Variants in NEDD4L observed in about 807,000 individuals in gnomAD.
The protein encoded by NEDD4L is NEDD4 like E3 ubiquitin protein ligase, also known as E3 ubiquitin-protein ligase NEDD4-like.
A neutral mutation model predicts 148.9 loss-of-function variants in NEDD4L; 54 were observed. The observed-to-expected ratio is 0.36, with a 90% CI of 0.29 to 0.45. NEDD4L has a LOEUF of 0.45. Ranked by LOEUF, NEDD4L falls within the 20% of genes least tolerant of loss-of-function variation. The probability of loss-of-function intolerance (pLI) is 1.00; values close to 1 mark genes in which losing one functional copy is unlikely to be tolerated. For missense variants in NEDD4L, 856 were observed against 1,233.8 expected, an observed-to-expected ratio of 0.69 and a Z score of 4.59; for synonymous variants, 433 against 440.7, an observed-to-expected ratio of 0.98 and a Z score of 0.22.
At chr18:58,118,866 C>T (rs573170333) in intron 1 of NEDD4L, among the ~76,000 whole-genome samples, 9 of 152,198 alleles carry the variant, frequency 5.9e-5, no homozygotes, top group African/African-American at 1.7e-4. Context: ...CCTGGGTGGG[C>T]GCTGATTCCA....
intron 1 of NEDD4L, among the ~76,000 whole-genome samples, chr18:58,136,360 T>C (rs1344795672): frequency 6.6e-6 from 1 of 152,242 alleles, no homozygotes; most frequent in Admixed American, 6.5e-5. Context: ...ACAAATTGTC[T>C]GCTTGCTTGG....
chr18:58,331,608 A>G (rs2059792352), intron 11 of NEDD4L, among the ~76,000 whole-genome samples: 1 of 152,238 alleles, frequency 6.6e-6, no homozygotes, highest in South Asian at 2.1e-4. Context: ...ACAATACAAA[A>G]CTGTGCAGAA....
At chr18:58,078,039 A>T (rs961068715) in intron 1 of NEDD4L, among the ~76,000 whole-genome samples, 5 of 150,928 alleles carry the variant, frequency 3.3e-5, no homozygotes, top group Admixed American at 2.0e-4. Context: ...TTTTGCCTAA[A>T]AGAAAATTGC....
chr18:58,076,378 T>TA (rs2083160381), intron 1 of NEDD4L, among the ~76,000 whole-genome samples: 1 of 152,240 alleles, frequency 6.6e-6, no homozygotes. Context: ...CAGTAAAGCA[T>TA]AAAAAAACCT....
intron 27 of NEDD4L, chr18:58,388,825 C>T (rs911091400): frequency 4.1e-5 from 20 of 484,222 alleles, no homozygotes; most frequent in Non-Finnish European, 7.2e-5. Context: ...GGGAGGACGA[C>T]TGTGGCATTT....
At chr18:58,084,711 T>TGTGTGTGTGTGTGTGTGTG (rs2065675366) in intron 1 of NEDD4L, among the ~76,000 whole-genome samples, 1 of 42,460 alleles carries the variant, frequency 2.4e-5, no homozygotes, top group African/African-American at 8.2e-5. Flanking sequence ...GTGTGTGTGT[T>TGTGTGTGTGTGTGTGTGTG]TGAGACAGGG....
At chr18:58,144,166 A>G (rs1281213121) in intron 1 of NEDD4L, among the ~76,000 whole-genome samples, 1 of 151,830 alleles carries the variant, frequency 6.6e-6, no homozygotes, top group African/African-American at 2.4e-5. Flanking sequence ...TTGCATTGGT[A>G]TAAAGAAACA....
At position 58,350,951 on chromosome 18, in the gene NEDD4L, T is replaced by C. The variant is rs1314459794; in HGVS notation, c.1654-40T>C. 2 of 1,499,442 alleles carry C rather than the reference T, an allele frequency of 1.3e-6. 1 individual carries two copies. The highest frequency in any genetic ancestry group is 2.4e-5 in the South Asian group (2 of 83,052). The allele number at this position is 1,499,442 out of a possible 1,614,324, so 92.9% of individuals were successfully genotyped here. On this transcript the variant is annotated intron_variant, in intron 17 of 30. Coordinates refer to ENST00000400345, the MANE Select transcript of NEDD4L (RefSeq NM_001144967.3). ...CTTTGATTTCAGAACTCCTAGCTAATGTTTATATTTTCTCTCTCCCTTCCT... is the reference window on the plus strand; with the variant it reads ...CTTTGATTTCAGAACTCCTAGCTAACGTTTATATTTTCTCTCTCCCTTCCT...
intron 2 of NEDD4L, among the ~76,000 whole-genome samples, chr18:58,196,710 C>CTTTTT (rs544883000): frequency 8.7e-6 from 1 of 114,444 alleles, no homozygotes; most frequent in African/African-American, 3.1e-5. Context: ...CTCTCTCTCT[C>CTTTTT]TTTTTTTTTT....
intron 27 of NEDD4L, chr18:58,388,857 G>A (rs895357968): frequency 1.3e-5 from 7 of 556,820 alleles, no homozygotes; most frequent in South Asian, 4.1e-5. Flanking sequence ...ACGACATGCC[G>A]TGGCTTGCGC....
chr18:58,381,690 TG>T (rs2048354606), intron 24 of NEDD4L, among the ~76,000 whole-genome samples: 1 of 152,150 alleles, frequency 6.6e-6, no homozygotes, highest in African/African-American at 2.4e-5. Flanking sequence ...CAAGGCAGTC[TG>T]GGGAGGAATA....
chr18:58,140,595 A>T (rs185163906), intron 1 of NEDD4L, among the ~76,000 whole-genome samples: 1 of 152,320 alleles, frequency 6.6e-6, no homozygotes, highest in East Asian at 1.9e-4. Flanking sequence ...TGCTGTGAAA[A>T]TGCCAATCAG....
chr18:58,323,001 GTATA>G (rs2058976321), intron 7 of NEDD4L, among the ~76,000 whole-genome samples: 1 of 135,170 alleles, frequency 7.4e-6, no homozygotes, highest in Non-Finnish European at 1.6e-5. Flanking sequence ...CGTGCTGTGG[GTATA>G]GGTGGGGATG....
At chr18:58,187,632 T>C (rs967055784) in intron 2 of NEDD4L, among the ~76,000 whole-genome samples, 1 of 152,206 alleles carries the variant, frequency 6.6e-6, no homozygotes, top group African/African-American at 2.4e-5. Context: ...TTTTGTGTTC[T>C]GAATACGTGT....
chr18:58,048,643 A>G (rs183689347), intron 1 of NEDD4L, among the ~76,000 whole-genome samples: 2 of 152,312 alleles, frequency 1.3e-5, no homozygotes. Context: ...AATAAACACC[A>G]CTGGTTGCAA....
At chr18:58,173,381 C>G (rs1437484759) in intron 2 of NEDD4L, among the ~76,000 whole-genome samples, 5 of 152,284 alleles carry the variant, frequency 3.3e-5, no homozygotes, top group Admixed American at 1.3e-4. Context: ...ACAGTTGCTC[C>G]TTTATTGTGT....
chr18:58,378,600 G>T (rs557661059), intron 24 of NEDD4L, among the ~76,000 whole-genome samples: 1 of 152,188 alleles, frequency 6.6e-6, no homozygotes, highest in African/African-American at 2.4e-5. Context: ...CGGTAGTTGC[G>T]CTGCTGGAGA....
intron 1 of NEDD4L, among the ~76,000 whole-genome samples, chr18:58,057,251 G>GT (rs5825258): frequency 0.17 from 24,816 of 147,886 alleles, 2,116 homozygotes; most frequent in African/African-American, 0.23. Context: ...CTGAAAGGAG[G>GT]TTTTTTTTTT....
intron 22 of NEDD4L, among the ~76,000 whole-genome samples, chr18:58,369,821 G>A (rs533028618): frequency 7.1e-4 from 108 of 152,302 alleles, no homozygotes; most frequent in Non-Finnish European, 1.3e-3. Context: ...GTCCCTCCGC[G>A]GGGGGTTGCA....
Sources: gnomAD v4.1 joint callset for allele counts (sites outside exome capture counted in the v4.1 genomes callset) on GRCh38, gnomAD v4.1.1 for gene constraint, MANE v1.5 for transcripts, NCBI Gene and HGNC (gene_info 2026-07-23, HGNC 2026-07-21) for gene names.